Variants in NIBAN1 observed in about 807,000 individuals in gnomAD.
The protein encoded by NIBAN1 is protein Niban 1.
A neutral mutation model predicts 75.1 loss-of-function variants in NIBAN1; 81 were observed. The observed-to-expected ratio is 1.08, with a 90% CI of 0.90 to 1.30. NIBAN1 has a LOEUF of 1.30. Among genes scored for constraint, NIBAN1 ranks in the 50% most tolerant of loss-of-function variants. The probability of loss-of-function intolerance (pLI) is 0.00; values close to 1 mark genes in which losing one functional copy is unlikely to be tolerated. For synonymous variants in NIBAN1, 436 were observed against 424.8 expected (o/e 1.03, Z -0.32); for missense variants, 1,133 against 1,128.1 (o/e 1.00, Z -0.06).
chr1:184,876,273 T>C lies in NIBAN1; in HGVS notation c.601+8360A>G, dbSNP rs187942532. ...AGAAAGAGGAAACAGCTACAGGCAC[T>C]ACAGAGAATAAAGAGGGCATCATGA... is the stretch of plus-strand genomic sequence containing the variant. On this transcript the variant is annotated intron_variant, in intron 5 of 13. Coordinates refer to ENST00000367511, the MANE Select transcript of NIBAN1 (RefSeq NM_052966.4). Among the ~76,000 whole-genome samples the C allele has an allele frequency of 2.0e-5, 3 of 151,918 alleles. No homozygotes were observed. In the East Asian group the frequency reaches 5.8e-4, roughly 29 times the overall value.
At chr1:184,940,788 A>G (rs1658070731) in intron 1 of NIBAN1, among the ~76,000 whole-genome samples, 1 of 152,254 alleles carries the variant, frequency 6.6e-6, no homozygotes, top group South Asian at 2.1e-4. Flanking sequence ...CAGTTAATAG[A>G]TGAAATAGAT....
chr1:184,833,582 G>A (rs1377984297), intron 5 of NIBAN1, among the ~76,000 whole-genome samples: 1 of 151,960 alleles, frequency 6.6e-6, no homozygotes, highest in Non-Finnish European at 1.5e-5. Flanking sequence ...CATGCCCATA[G>A]TCCCAGCCCC....
At chr1:184,933,853 A>T (rs186804130) in intron 1 of NIBAN1, among the ~76,000 whole-genome samples, 16 of 152,398 alleles carry the variant, frequency 1.0e-4, no homozygotes, top group Non-Finnish European at 1.6e-4. Flanking sequence ...AGAATGTTTC[A>T]TAAGAAAGTT....
chr1:184,806,140 A>T, intron 10 of NIBAN1, 84 bp from the exon 11 acceptor site: 1 of 1,047,490 alleles, frequency 9.5e-7, no homozygotes, highest in South Asian at 1.4e-5. Context: ...GGGACTGCAG[A>T]GTAGGGGCCA....
chr1:184,910,216 A>G (rs910514579), intron 1 of NIBAN1, among the ~76,000 whole-genome samples: 1 of 152,140 alleles, frequency 6.6e-6, no homozygotes, highest in Non-Finnish European at 1.5e-5. Context: ...ACTGTAAATA[A>G]CTGAGACTAC....
intron 1 of NIBAN1, among the ~76,000 whole-genome samples, chr1:184,920,464 A>G (rs937729334): frequency 6.6e-6 from 1 of 152,160 alleles, no homozygotes; most frequent in Non-Finnish European, 1.5e-5. Flanking sequence ...CTCACCCTAC[A>G]GTGCTATAGA....
chr1:184,832,818 A>G (rs955584175), intron 5 of NIBAN1, among the ~76,000 whole-genome samples: 3 of 152,220 alleles, frequency 2.0e-5, no homozygotes, highest in African/African-American at 7.2e-5. Flanking sequence ...GCTGGGCTGA[A>G]CGGCCTTCTC....
chr1:184,974,156 C>T, intron 1 of NIBAN1, 146 bp downstream of exon 1: 1 of 864,580 alleles, frequency 1.2e-6, no homozygotes, highest in Non-Finnish European at 1.6e-6. Flanking sequence ...GGCAGGAAAC[C>T]CGACTCGCGC....
rs569433273 is a variant in NIBAN1, at chr1:184,875,694, A to G, written c.601+8939T>C. The stretch of plus-strand genomic sequence containing the variant: ...TCCATTTTTTGAAGGAAAGAATGTT[A>G]AAGAATTTGCAAGTGCTTTAAAATC... On this transcript the variant is annotated intron_variant, in intron 5 of 13. Coordinates refer to ENST00000367511, the MANE Select transcript of NIBAN1 (RefSeq NM_052966.4). 7.9e-5 allele frequency among the ~76,000 whole-genome samples: 12 copies of G among 152,372 alleles called. No homozygotes were observed. In the South Asian group the frequency reaches 2.5e-3, roughly 32 times the overall value.
intron 5 of NIBAN1, among the ~76,000 whole-genome samples, chr1:184,869,600 T>C (rs1656045246): frequency 6.6e-6 from 1 of 152,062 alleles, no homozygotes; most frequent in Admixed American, 6.5e-5. Context: ...CGGAGTGCAG[T>C]GGCTCCATCT....
intron 4 of NIBAN1, 80 bp downstream of exon 4, chr1:184,890,028 T>C: frequency 9.1e-7 from 1 of 1,093,770 alleles, no homozygotes; most frequent in Non-Finnish European, 1.4e-6. Flanking sequence ...GAAATCCCTC[T>C]CCTTCACAGA....
intron 1 of NIBAN1, among the ~76,000 whole-genome samples, chr1:184,925,646 G>A (rs545580103): frequency 1.3e-5 from 2 of 151,534 alleles, no homozygotes; most frequent in South Asian, 4.2e-4. Context: ...ATTTTAAACT[G>A]ATGACAACTT....
At chr1:184,820,403 G>A (rs1272483313) in intron 8 of NIBAN1, among the ~76,000 whole-genome samples, 3 of 152,090 alleles carry the variant, frequency 2.0e-5, no homozygotes, top group Non-Finnish European at 4.4e-5. Context: ...CCCCCTCTCT[G>A]CACCTTTATT....
At chr1:184,836,745 G>T (rs1039230824) in intron 5 of NIBAN1, among the ~76,000 whole-genome samples, 1 of 152,164 alleles carries the variant, frequency 6.6e-6, no homozygotes, top group Non-Finnish European at 1.5e-5. Flanking sequence ...TGAGGGCCTG[G>T]ATCTGAATTC....
chr1:184,870,620 A>G (rs1463986548), intron 5 of NIBAN1, among the ~76,000 whole-genome samples: 1 of 152,208 alleles, frequency 6.6e-6, no homozygotes, highest in Non-Finnish European at 1.5e-5. Flanking sequence ...CAGAACCTCA[A>G]GGATAATGCG....
chr1:184,929,802 G>A (rs1405225590), intron 1 of NIBAN1, among the ~76,000 whole-genome samples: 3 of 152,170 alleles, frequency 2.0e-5, no homozygotes, highest in Admixed American at 2.0e-4. Flanking sequence ...GTATCTGATA[G>A]ATCAAATTAT....
chr1:184,828,131 G>A (rs1319193413), intron 6 of NIBAN1, among the ~76,000 whole-genome samples: 1 of 152,012 alleles, frequency 6.6e-6, no homozygotes, highest in Non-Finnish European at 1.5e-5. Flanking sequence ...ATATTGACAA[G>A]TAGAAAATAT....
intron 5 of NIBAN1, among the ~76,000 whole-genome samples, chr1:184,832,751 A>G (rs1181574698): frequency 6.6e-6 from 1 of 152,172 alleles, no homozygotes; most frequent in Non-Finnish European, 1.5e-5. Context: ...TCTGAGAGGT[A>G]CTATCCTACC....
chr1:184,811,152 C>G (rs1202458053), intron 9 of NIBAN1, among the ~76,000 whole-genome samples: 2 of 152,168 alleles, frequency 1.3e-5, no homozygotes, highest in African/African-American at 4.8e-5. Flanking sequence ...AGTCAGAGGC[C>G]TCGTATATCT....
Sources: allele counts gnomAD v4.1 joint callset (sites outside exome capture counted in the v4.1 genomes callset), GRCh38; gene constraint gnomAD v4.1.1; transcripts MANE v1.5; gene names NCBI Gene and HGNC (gene_info 2026-07-23, HGNC 2026-07-21).